The following FAM20A variants were observed in gnomAD, a reference collection of about 807,000 sequenced individuals.
FAM20A encodes FAM20A golgi associated secretory pathway pseudokinase.
In FAM20A, 42 loss-of-function variants were observed where a neutral mutation model predicts 52.0. The ratio of observed to expected loss-of-function variants is 0.81; its 90% CI spans 0.63 to 1.04. FAM20A has a LOEUF of 1.04. Among genes scored for constraint, FAM20A ranks in the 50% least tolerant of loss-of-function variants. The pLI, the probability that FAM20A is intolerant of heterozygous loss-of-function variation, is 0.00. For synonymous variants in FAM20A, 304 were observed against 298.9 expected, an observed-to-expected ratio of 1.02 and a Z score of -0.18; for missense variants, 742 against 712.7, an observed-to-expected ratio of 1.04 and a Z score of -0.47.
At position 68,551,965 on chromosome 17, in the gene FAM20A, A is replaced by G; in HGVS notation, c.641-14T>C. The G allele has an allele frequency of 6.4e-7, 1 of 1,553,760 alleles. No individual in the cohort carries two copies. ...TGGGTTTCACAACTGTGAAAGGCAG[A>G]AGGGTGAGTTAACCATGCTTCCGGG... On this transcript the variant is annotated splice_polypyrimidine_tract_variant and intron_variant, in intron 3 of 10. Transcript: ENST00000592554.
chr17:68,594,655 TC>T (rs1326888056), intron 1 of FAM20A, among the ~76,000 whole-genome samples: 2 of 152,184 alleles, frequency 1.3e-5, no homozygotes, highest in African/African-American at 4.8e-5. Flanking sequence ...AGAATTCTTT[TC>T]CTTGTGGCAG....
chr17:68,573,272 A>G (rs2087616284), intron 1 of FAM20A, among the ~76,000 whole-genome samples: 1 of 152,224 alleles, frequency 6.6e-6, no homozygotes, highest in Non-Finnish European at 1.5e-5. Flanking sequence ...CCTCATGTGA[A>G]AAGTCAGGAT....
intron 1 of FAM20A, among the ~76,000 whole-genome samples, chr17:68,584,347 CAAAAA>C (rs11471248): frequency 8.0e-6 from 1 of 124,716 alleles, no homozygotes; most frequent in African/African-American, 2.8e-5. Flanking sequence ...CAAAACAAAA[CAAAAA>C]AAAAACCCAA....
chr17:68,575,750 T>A (rs1270225692), intron 1 of FAM20A, among the ~76,000 whole-genome samples: 1 of 126,762 alleles, frequency 7.9e-6, no homozygotes, highest in African/African-American at 3.1e-5. Flanking sequence ...TTTTATATAT[T>A]ATATATATTT....
intron 1 of FAM20A, among the ~76,000 whole-genome samples, chr17:68,581,436 TTTTCTTTTTTTCTTTTCTTTCTTTC>T (rs2087981842): frequency 1.0e-5 from 1 of 98,738 alleles, no homozygotes; most frequent in African/African-American, 4.5e-5. Context: ...TCTTTCTTTC[TTTTCTTTTTTTCTTTTCTTTCTTTC>T]CTTTCTTTCT....
chr17:68,552,668 T>TAGTGATATGGTTAGGC lies in FAM20A; in HGVS notation c.641-718_641-717insGCCTAACCATATCACT, dbSNP rs1272634692. 8.0e-4 allele frequency among the ~76,000 whole-genome samples: 67 copies of TAGTGATATGGTTAGGC among 83,252 alleles called. 2 individuals carry two copies. The highest frequency in any genetic ancestry group is 8.8e-4 in the South Asian group (2 of 2,280). 54.6% of individuals were successfully genotyped at this position (83,252 alleles called of 152,430 possible). A position where few individuals can be genotyped will look rare whatever the true frequency, so the allele number is the denominator to read the frequency against. On this transcript the variant is annotated intron_variant, in intron 3 of 10. Coordinates refer to ENST00000592554, the MANE Select transcript of FAM20A (RefSeq NM_017565.4). Reference sequence around the variant, plus strand: ...GAGCCCTGTAAACCTTTATTTTCCTTTTTTTTTTTTTTTTTTTTTTTTTTG... The same window carrying TAGTGATATGGTTAGGC: ...GAGCCCTGTAAACCTTTATTTTCCTTAGTGATATGGTTAGGCTTTTTTTTTTTTTTTTTTTTTTTTG...
chr17:68,554,318 C>G (rs141359943), intron 3 of FAM20A, among the ~76,000 whole-genome samples: 2 of 152,196 alleles, frequency 1.3e-5, no homozygotes, highest in African/African-American at 4.8e-5. Context: ...CCAGGCTGGT[C>G]TCGAACTCCT....
intron 1 of FAM20A, among the ~76,000 whole-genome samples, chr17:68,556,664 G>A (rs1037058302): frequency 2.0e-5 from 3 of 152,082 alleles, no homozygotes; most frequent in Non-Finnish European, 2.9e-5. Flanking sequence ...GGCAAGAAAC[G>A]GATGTATCTG....
intron 1 of FAM20A, chr17:68,598,114 C>G (rs1567754994): frequency 6.6e-6 from 1 of 150,664 alleles, no homozygotes; most frequent in Non-Finnish European, 1.5e-5. Context: ...AGCAATCCTT[C>G]TGTCTCAGTC....
At chr17:68,578,838 CAAAAAAAAAAAAAA>C (rs5821664) in intron 1 of FAM20A, among the ~76,000 whole-genome samples, 7 of 36,072 alleles carry the variant, frequency 1.9e-4, no homozygotes, top group African/African-American at 4.8e-4. Context: ...CTAAAAATAC[CAAAAAAAAAAAAAA>C]AAAAAAAAAA....
intron 1 of FAM20A, among the ~76,000 whole-genome samples, chr17:68,576,069 T>C (rs2087759052): frequency 6.6e-6 from 1 of 152,086 alleles, no homozygotes; most frequent in African/African-American, 2.4e-5. Context: ...GGCCAGCCAA[T>C]GGAACAAGCT....
At chr17:68,566,402 G>A (rs2087378222) in intron 1 of FAM20A, among the ~76,000 whole-genome samples, 1 of 152,184 alleles carries the variant, frequency 6.6e-6, no homozygotes, top group African/African-American at 2.4e-5. Flanking sequence ...GACATATGCA[G>A]CTACTATGGC....
In FAM20A at chr17:68,577,797, C is replaced by T. The variant is rs146028774; in HGVS notation, c.405-22054G>A. ...GCACAGCCAAAAATTAAAAATGTTA[C>T]TTAATTGTTTAAAAAAAGAAAACCA... On this transcript the variant is annotated intron_variant, in intron 1 of 10. Transcript: ENST00000592554. Among the ~76,000 whole-genome samples the T allele has an allele frequency of 2.5e-3, 388 of 152,218 alleles. 1 individual carries two copies. Among genetic ancestry groups the T allele is most frequent in the African/African-American group, 8.9e-3 (371 of 41,542 alleles).
chr17:68,599,700 C>G (rs1281999108), intron 1 of FAM20A, among the ~76,000 whole-genome samples: 1 of 152,152 alleles, frequency 6.6e-6, no homozygotes, highest in Non-Finnish European at 1.5e-5. Context: ...CTTCCTGCCT[C>G]AGATGACCCC....
rs763425938 is a variant in FAM20A, at chr17:68,600,267, TC to T, written c.399del (p.Trp133Ter). On this transcript the variant is annotated frameshift_variant, in exon 1 of 11. Coordinates refer to ENST00000592554, the MANE Select transcript of FAM20A (RefSeq NM_017565.4). LOFTEE classifies it high-confidence loss of function. The surrounding 1 kb of genome is among the most constrained non-coding windows in gnomAD (Gnocchi z 6.2). Reference protein sequence around the residue: ...LRYYRRKVARWNRRHKMYREQ... With the variant: ...LRYYRRKVARXNRRHKMYREQ... ...CGTCCCGGGCGGGGTCCTCACCTGTTCCAGCGGGCCACCTTCCTCCGGTAAT... is the reference window on the plus strand; with the variant it reads ...CGTCCCGGGCGGGGTCCTCACCTGTTCAGCGGGCCACCTTCCTCCGGTAAT... 3 of 1,563,596 alleles carry T rather than the reference TC, an allele frequency of 1.9e-6. No individual in the cohort carries two copies. In the South Asian group the frequency reaches 3.5e-5, roughly 18 times the overall value.
At chr17:68,562,411 A>G (rs2087240440) in intron 1 of FAM20A, among the ~76,000 whole-genome samples, 1 of 152,228 alleles carries the variant, frequency 6.6e-6, no homozygotes, top group African/African-American at 2.4e-5. Flanking sequence ...TTATATAGAC[A>G]TAGACACTTT....
At chr17:68,595,192 GAA>G (rs2088419928) in intron 1 of FAM20A, among the ~76,000 whole-genome samples, 1 of 152,256 alleles carries the variant, frequency 6.6e-6, no homozygotes, top group Non-Finnish European at 1.5e-5. Flanking sequence ...TGTGGTGAAA[GAA>G]GAGTGTTGTT....
At position 68,581,362 on chromosome 17, in the gene FAM20A, C is replaced by CTTTCT. The variant is rs1555831978; in HGVS notation, c.404+18896_404+18900dup. On this transcript the variant is annotated intron_variant, in intron 1 of 10. Coordinates refer to ENST00000592554, the MANE Select transcript of FAM20A (RefSeq NM_017565.4). ...TCCGAAATGCAGTTTTTCTTTCTTT[C>CTTTCT]TTTCTTTCTTTCTTTCTTTCTTTCT... Among the ~76,000 whole-genome samples, 10 of 127,806 alleles carry CTTTCT rather than the reference C, an allele frequency of 7.8e-5. No homozygotes were observed. The East Asian group carries it at 2.0e-3, about 25-fold the overall frequency. 83.8% of individuals were successfully genotyped at this position (127,806 alleles called of 152,430 possible). A position where few individuals can be genotyped will look rare whatever the true frequency, so the allele number is the denominator to read the frequency against.
intron 4 of FAM20A, among the ~76,000 whole-genome samples, chr17:68,544,609 G>A (rs1432772823): frequency 6.6e-6 from 1 of 152,202 alleles, no homozygotes; most frequent in African/African-American, 2.4e-5. Context: ...AATTTAAACC[G>A]TGTTGTGCAT....
Sources: gnomAD v4.1 joint callset for allele counts (sites outside exome capture counted in the v4.1 genomes callset) on GRCh38, gnomAD v4.1.1 for gene constraint, Gnocchi (gnomAD v3.1) non-coding constraint, MANE v1.5 for transcripts, NCBI Gene and HGNC (gene_info 2026-07-23, HGNC 2026-07-21) for gene names.